Variants in FSTL4 observed in about 807,000 individuals in gnomAD.
FSTL4 encodes the protein follistatin like 4, also known as follistatin-related protein 4.
A neutral mutation model predicts 78.2 loss-of-function variants in FSTL4; 28 were observed. That is an observed-to-expected ratio of 0.36 (90% confidence interval 0.27 to 0.49). The LOEUF is 0.49. Among genes scored for constraint, FSTL4 ranks in the 20% least tolerant of loss-of-function variants. FSTL4 has a pLI of 0.98. For missense variants in FSTL4, 922 were observed against 1,084.9 expected, an observed-to-expected ratio of 0.85 and a Z score of 2.11; for synonymous variants, 422 against 440.5, an observed-to-expected ratio of 0.96 and a Z score of 0.53.
chr5:133,511,404 G>A (rs1179093867), intron 3 of FSTL4, among the ~76,000 whole-genome samples: 1 of 152,064 alleles, frequency 6.6e-6, no homozygotes, highest in East Asian at 1.9e-4. Flanking sequence ...TGTCAACCAC[G>A]ATCCTTACCA....
chr5:133,520,409 C>T (rs1248823848), intron 3 of FSTL4, among the ~76,000 whole-genome samples: 5 of 151,882 alleles, frequency 3.3e-5, no homozygotes, highest in Non-Finnish European at 7.4e-5. Flanking sequence ...CCCAGGGCTG[C>T]CCCCAGAGAT....
intron 6 of FSTL4, among the ~76,000 whole-genome samples, chr5:133,311,781 G>A (rs186853626): frequency 2.6e-5 from 4 of 152,300 alleles, no homozygotes; most frequent in Admixed American, 2.0e-4. Context: ...CTTAGGAACT[G>A]TGAGCTGGCA....
chr5:133,815,764 C>G, the FSTL4 span, among the ~76,000 whole-genome samples: 2,183 of 152,244 alleles, frequency 0.014, 57 homozygotes, highest in African/African-American at 0.051. Flanking sequence ...ATAGTTTTCC[C>G]TTATCCACAG....
chr5:133,675,876 A>G, the FSTL4 span, among the ~76,000 whole-genome samples: 1 of 152,186 alleles, frequency 6.6e-6, no homozygotes, highest in Non-Finnish European at 1.5e-5. Context: ...GAGGCTAGCC[A>G]GGGGAAGCCT....
intron 3 of FSTL4, among the ~76,000 whole-genome samples, chr5:133,561,109 A>G (rs893201334): frequency 4.1e-5 from 6 of 146,560 alleles, no homozygotes; most frequent in South Asian, 4.3e-4. Context: ...TAATAATAAT[A>G]ATAATAATAA....
At chr5:133,346,245 G>A (rs1036844800) in intron 4 of FSTL4, among the ~76,000 whole-genome samples, 1 of 152,070 alleles carries the variant, frequency 6.6e-6, no homozygotes, top group Non-Finnish European at 1.5e-5. Flanking sequence ...CCTGTCAGGG[G>A]GTTGGGGGCA....
chr5:133,744,270 T>C, the FSTL4 span, among the ~76,000 whole-genome samples: 2 of 152,346 alleles, frequency 1.3e-5, no homozygotes, highest in African/African-American at 2.4e-5. Context: ...TTGAAACTAC[T>C]GTGTTTATTA....
rs1229594130 is a variant in FSTL4, at chr5:133,203,135, G to A, written c.1717-1093C>T. ...GCAGCAGACCAGTGGTCCGATGAGG[G>A]GCTTAGCCAACTTACAGGCCCCGAG... is the stretch of plus-strand genomic sequence containing the variant. On this transcript the variant is annotated intron_variant, in intron 14 of 15. Coordinates refer to ENST00000265342, the MANE Select transcript of FSTL4 (RefSeq NM_015082.2). 2.6e-5 allele frequency among the ~76,000 whole-genome samples: 4 copies of A among 152,220 alleles called. No homozygotes were observed. In the East Asian group the frequency reaches 7.7e-4, roughly 29 times the overall value.
chr5:133,817,350 G>A, the FSTL4 span, among the ~76,000 whole-genome samples: 2 of 152,236 alleles, frequency 1.3e-5, no homozygotes, highest in Admixed American at 6.5e-5. Context: ...GTCACAGTCC[G>A]GTCAAGGAAA....
chr5:133,790,552 A>T, the FSTL4 span, among the ~76,000 whole-genome samples: 2 of 152,116 alleles, frequency 1.3e-5, no homozygotes, highest in South Asian at 2.1e-4. Context: ...TGGCTCCTAC[A>T]TTTCCATCTC....
the FSTL4 span, among the ~76,000 whole-genome samples, chr5:133,630,298 G>A: frequency 6.6e-6 from 1 of 152,244 alleles, no homozygotes; most frequent in African/African-American, 2.4e-5. Flanking sequence ...CTTCAGCAAA[G>A]TCTCAGGATA....
intron 3 of FSTL4, among the ~76,000 whole-genome samples, chr5:133,519,308 T>C (rs1428103735): frequency 1.3e-5 from 2 of 152,216 alleles, no homozygotes; most frequent in East Asian, 3.8e-4. Context: ...GGATGTACAC[T>C]GACTAATTGG....
the FSTL4 span, among the ~76,000 whole-genome samples, chr5:133,836,328 A>G: frequency 6.6e-6 from 1 of 152,166 alleles, no homozygotes; most frequent in Non-Finnish European, 1.5e-5. Flanking sequence ...CGTTTTACAA[A>G]TCTTATAGTG....
chr5:133,620,996 A>G, the FSTL4 span, among the ~76,000 whole-genome samples: 1 of 152,248 alleles, frequency 6.6e-6, no homozygotes, highest in Non-Finnish European at 1.5e-5. Flanking sequence ...AGCACAATTC[A>G]TAATTGCAAA....
At chr5:133,738,108 T>C in the FSTL4 span, among the ~76,000 whole-genome samples, 2 of 152,244 alleles carry the variant, frequency 1.3e-5, no homozygotes, top group East Asian at 3.9e-4. Context: ...CTAGCCAGCC[T>C]GTCTTCATCC....
Position 133,352,341 on chromosome 5 carries a change from T to C in FSTL4, c.410-35689A>G, listed in dbSNP as rs10085157. Among the ~76,000 whole-genome samples, 616 of 97,552 alleles carry C rather than the reference T, an allele frequency of 6.3e-3. 13 individuals carry two copies. Among genetic ancestry groups the C allele is most frequent in the African/African-American group, 0.023 (550 of 23,714 alleles). 64.0% of individuals were successfully genotyped at this position (97,552 alleles called of 152,430 possible). A position where few individuals can be genotyped will look rare whatever the true frequency, so the allele number is the denominator to read the frequency against. On this transcript the variant is annotated intron_variant, in intron 4 of 15. Transcript: ENST00000265342. ...ACATATATATACACACATATATATA[T>C]ACACATATATATACACACACATATA...
chr5:133,549,819 G>T (rs571237899), intron 3 of FSTL4, among the ~76,000 whole-genome samples: 1 of 152,180 alleles, frequency 6.6e-6, no homozygotes, highest in African/African-American at 2.4e-5. Flanking sequence ...TGTTCTCAGA[G>T]GAAACATTTT....
At chr5:133,333,045 TAC>T (rs935447484) in intron 4 of FSTL4, among the ~76,000 whole-genome samples, 1 of 152,012 alleles carries the variant, frequency 6.6e-6, no homozygotes, top group African/African-American at 2.4e-5. Flanking sequence ...TGCACACACA[TAC>T]ACACACACTC....
chr5:133,511,078 A>C (rs746878891), intron 3 of FSTL4, among the ~76,000 whole-genome samples: 6 of 152,178 alleles, frequency 3.9e-5, no homozygotes, highest in Non-Finnish European at 8.8e-5. Flanking sequence ...GATGAGATGT[A>C]TCCCCTCTGA....
Sources: gnomAD v4.1 joint callset for allele counts (sites outside exome capture counted in the v4.1 genomes callset) on GRCh38, gnomAD v4.1.1 for gene constraint, MANE v1.5 for transcripts, NCBI Gene and HGNC (gene_info 2026-07-23, HGNC 2026-07-21) for gene names.